The following RBFOX1 variants were observed in gnomAD, a reference collection of about 807,000 sequenced individuals.
RBFOX1 encodes the protein RNA binding protein fox-1 homolog 1.
A neutral mutation model predicts 57.7 loss-of-function variants in RBFOX1; 8 were observed. The ratio of observed to expected loss-of-function variants is 0.14; its 90% CI spans 0.08 to 0.25. RBFOX1 has a LOEUF of 0.25. RBFOX1 is among the 10% of genes least tolerant of loss of function. The probability of loss-of-function intolerance (pLI) is 1.00; values close to 1 mark genes in which losing one functional copy is unlikely to be tolerated. For synonymous variants in RBFOX1, 326 were observed against 222.4 expected (o/e 1.47, Z -4.15); for missense variants, 611 against 548.5 (o/e 1.11, Z -1.14).
At chr16:5,865,041 A>G (rs978627069) in intron 3 of RBFOX1, among the ~76,000 whole-genome samples, 9 of 152,172 alleles carry the variant, frequency 5.9e-5, no homozygotes, top group African/African-American at 1.9e-4. Flanking sequence ...TGGGGGGAAT[A>G]AGAGGGGCTT....
At chr16:6,346,901 G>A (rs1334355454) in intron 2 of RBFOX1, among the ~76,000 whole-genome samples, 1 of 152,150 alleles carries the variant, frequency 6.6e-6, no homozygotes, top group East Asian at 1.9e-4. Context: ...TACCTCAACA[G>A]AGTCTTGGTG....
intron 4 of RBFOX1, among the ~76,000 whole-genome samples, chr16:7,321,425 T>G (rs1603620357): frequency 6.6e-6 from 1 of 152,042 alleles, no homozygotes; most frequent in African/African-American, 2.4e-5. Context: ...GGATTACAGG[T>G]GTGAGCCACC....
chr16:5,405,243 C>T (rs774834514), intron 1 of RBFOX1, among the ~76,000 whole-genome samples: 1 of 152,126 alleles, frequency 6.6e-6, no homozygotes, highest in Admixed American at 6.5e-5. Context: ...GTACCCCCAC[C>T]CCCAAATATA....
At chr16:6,971,805 G>A (rs114452045) in intron 3 of RBFOX1, among the ~76,000 whole-genome samples, 1 of 152,172 alleles carries the variant, frequency 6.6e-6, no homozygotes, top group African/African-American at 2.4e-5. Flanking sequence ...TGTGGAGGGC[G>A]AGGGAAATAG....
chr16:5,856,509 G>T (rs2057061417), intron 3 of RBFOX1, among the ~76,000 whole-genome samples: 1 of 125,748 alleles, frequency 8.0e-6, no homozygotes, highest in East Asian at 2.4e-4. Context: ...TGTGCATTTT[G>T]ACCAACATCT....
chr16:6,778,722 G>A (rs769502502), intron 3 of RBFOX1, among the ~76,000 whole-genome samples: 7 of 151,916 alleles, frequency 4.6e-5, no homozygotes, highest in Non-Finnish European at 1.0e-4. Context: ...AAACTAGATT[G>A]TCTTCCTGAG....
chr16:6,153,512 C>A (rs775368778), intron 1 of RBFOX1, among the ~76,000 whole-genome samples: 39 of 152,000 alleles, frequency 2.6e-4, no homozygotes, highest in African/African-American at 2.4e-5. Context: ...ACTCCTTCCT[C>A]CAAGTTCCCA....
intron 1 of RBFOX1, among the ~76,000 whole-genome samples, chr16:5,300,197 G>C (rs2063769009): frequency 6.6e-6 from 1 of 151,946 alleles, no homozygotes; most frequent in South Asian, 2.1e-4. Context: ...TGCTAGATTT[G>C]ATTTGCAAAT....
intron 4 of RBFOX1, among the ~76,000 whole-genome samples, chr16:7,314,618 A>C (rs61528915): frequency 6.6e-6 from 1 of 152,154 alleles, no homozygotes; most frequent in Admixed American, 6.5e-5. Flanking sequence ...TTTGTTTCCC[A>C]TTTGGTGTTT....
At chr16:6,189,047 C>T (rs1598207451) in intron 1 of RBFOX1, among the ~76,000 whole-genome samples, 1 of 152,214 alleles carries the variant, frequency 6.6e-6, no homozygotes, top group Non-Finnish European at 1.5e-5. Flanking sequence ...GGCACAGATG[C>T]TAAGTCTTCC....
chr16:7,377,771 C>T (rs1477614494), intron 4 of RBFOX1, among the ~76,000 whole-genome samples: 1 of 152,156 alleles, frequency 6.6e-6, no homozygotes, highest in Admixed American at 6.5e-5. Flanking sequence ...CCCCTGCTGT[C>T]TCAGAACTTA....
intron 14 of RBFOX1, among the ~76,000 whole-genome samples, chr16:7,697,954 G>C (rs191940361): frequency 3.9e-5 from 6 of 152,136 alleles, no homozygotes; most frequent in African/African-American, 1.4e-4. Flanking sequence ...GTTTAGTTCC[G>C]TGTGCTGGGA....
chr16:5,953,155 G>C (rs926429838), intron 4 of RBFOX1, among the ~76,000 whole-genome samples: 1 of 152,042 alleles, frequency 6.6e-6, no homozygotes, highest in Non-Finnish European at 1.5e-5. Context: ...AACCTTGCTG[G>C]GTGATTCTAA....
chr16:7,550,505 A>G (rs2086023611), intron 5 of RBFOX1, among the ~76,000 whole-genome samples: 3 of 152,192 alleles, frequency 2.0e-5, no homozygotes, highest in African/African-American at 7.2e-5. Context: ...CACTGTATCA[A>G]TAAAACGACC....
At chr16:5,326,173 C>T (rs1466729936) in intron 1 of RBFOX1, among the ~76,000 whole-genome samples, 1 of 152,160 alleles carries the variant, frequency 6.6e-6, no homozygotes, top group South Asian at 2.1e-4. Context: ...GTCCTAGGAT[C>T]TTGTAACCTG....
chr16:5,460,088 G>T (rs1567544061), intron 1 of RBFOX1, among the ~76,000 whole-genome samples: 1 of 152,140 alleles, frequency 6.6e-6, no homozygotes, highest in Non-Finnish European at 1.5e-5. Flanking sequence ...AAGGAGCTAG[G>T]AGTGTAAAGT....
intron 10 of RBFOX1, among the ~76,000 whole-genome samples, chr16:7,630,054 C>G (rs368603061): frequency 1.3e-5 from 2 of 152,140 alleles, no homozygotes; most frequent in Non-Finnish European, 2.9e-5. Context: ...TTACCGTTTT[C>G]TCTAAACCTA....
At chr16:7,370,474 T>C (rs1003063409) in intron 4 of RBFOX1, among the ~76,000 whole-genome samples, 8 of 152,184 alleles carry the variant, frequency 5.3e-5, no homozygotes, top group Non-Finnish European at 1.2e-4. Flanking sequence ...CTTTGTTTTT[T>C]ATCAACGCGG....
Position 7,653,899 on chromosome 16 carries a change from A to G in RBFOX1, c.842A>G (p.Asn281Ser), listed in dbSNP as rs751700670. 2 of 1,597,654 alleles carry G rather than the reference A, an allele frequency of 1.3e-6. No homozygotes were observed. The highest frequency in any genetic ancestry group is 1.1e-5 in the South Asian group (1 of 90,692). ...HLRGRGRTVY[N>S]TFRAAAPPPP... ...CGAGGCCGCGGTCGCACCGTGTACA[A>G]CACCTTCAGGGCCGCGGCGCCCCCG... Residue 281 changes from asparagine to serine, a missense_variant, in exon 12 of 16, where the codon AAC becomes AGC. Transcript: ENST00000550418.
Sources: allele counts gnomAD v4.1 joint callset (sites outside exome capture counted in the v4.1 genomes callset), GRCh38; gene constraint gnomAD v4.1.1; transcripts MANE v1.5; gene names NCBI Gene and HGNC (gene_info 2026-07-23, HGNC 2026-07-21).